The following TROAP variants were observed in gnomAD, a reference collection of about 807,000 sequenced individuals.
The protein encoded by TROAP is trophinin associated protein.
A neutral mutation model predicts 83.4 loss-of-function variants in TROAP; 62 were observed. The observed-to-expected ratio is 0.74, with a 90% CI of 0.61 to 0.92. The LOEUF is 0.92. Ranked by LOEUF, TROAP falls within the 40% of genes least tolerant of loss-of-function variation. TROAP has a pLI of 0.00. For missense variants in TROAP, 876 were observed against 985.1 expected, an observed-to-expected ratio of 0.89 and a Z score of 1.48; for synonymous variants, 352 against 386.4, an observed-to-expected ratio of 0.91 and a Z score of 1.04.
At chr12:49,328,833 C>A (rs1943537559) in intron 8 of TROAP, 94 bp from the exon 9 acceptor site, 2 of 1,470,882 alleles carry the variant, frequency 1.4e-6, no homozygotes, top group South Asian at 1.4e-5. Context: ...CACTGGACTC[C>A]ATCCTGGGTG....
In TROAP at chr12:49,331,372, C is replaced by G; in HGVS notation, c.2257C>G (p.Pro753Ala). The G allele has an allele frequency of 6.2e-7, 1 of 1,614,074 alleles. No individual in the cohort carries two copies. The highest frequency in any genetic ancestry group is 8.5e-7 in the Non-Finnish European group (1 of 1,179,936). ...AGGCCCCACCCGGGTCTGCACCAAC[C>G]CTGTGGCTACATTACTCGAATGGCA... Reference protein sequence around the residue: ...PSGPTRVCTNPVATLLEWQDA... With the variant: ...PSGPTRVCTNAVATLLEWQDA... Residue 753 changes from proline (P) to alanine (A), a missense_variant, in exon 14 of 15, where the codon CCT (proline) becomes GCT (alanine). Around this residue, in one of 3 missense-constraint regions of TROAP, gnomAD observed 184 missense variants for 238.3 expected, o/e 0.77. Coordinates refer to ENST00000257909, the MANE Select transcript of TROAP (RefSeq NM_005480.4).
rs1943556615 is a variant in TROAP at position 49,330,154 on chromosome 12, A to G, written c.1309A>G (p.Ile437Val). The change falls in exon 13 of 15, where the codon ATC becomes GTC. Residue 437 changes from isoleucine (I) to valine (V), a missense_variant. Ile to Val is a conservative substitution (Grantham distance 29). This residue lies in a region of TROAP where 689 missense variants were observed against 722.6 expected (regional missense o/e 0.95). Coordinates refer to ENST00000257909, the MANE Select transcript of TROAP (RefSeq NM_005480.4). ...LQEVKIQRIG[I>V]LQQLLRQEVE... ...CTCTCTCCCACCACAGCGCATCGGT[A>G]TCCTGCAACAGCTGTTGAGACAGGA... The G allele has an allele frequency of 6.2e-7, 1 of 1,613,782 alleles. No individual in the cohort carries two copies. The highest frequency in any genetic ancestry group is 8.5e-7 in the Non-Finnish European group (1 of 1,179,808).
chr12:49,329,275 TA>T lies in TROAP; in HGVS notation c.1104+33del. The stretch of plus-strand genomic sequence containing the variant: ...AGAGGGCATGGAGAGGTGGCTGGCA[TA>T]AGTCACAGCTAGGGGAGAAAGGAGA... On this transcript the variant is annotated intron_variant, in intron 10 of 14. Transcript: ENST00000257909. This position sits in a 1 kb window ranked among gnomAD's most constrained non-coding sequence, Gnocchi z 4.5. 1 of 1,613,760 alleles carries T rather than the reference TA, an allele frequency of 6.2e-7. No homozygotes were observed. The highest frequency in any genetic ancestry group is 1.1e-5 in the South Asian group (1 of 91,070).
intron 3 of TROAP, among the ~76,000 whole-genome samples, chr12:49,324,872 C>T (rs1305098656): frequency 6.6e-6 from 1 of 150,694 alleles, no homozygotes; most frequent in South Asian, 2.1e-4. Flanking sequence ...GGATTACCAG[C>T]ACCTGCCACC....
At chr12:49,325,449 C>T (rs1943483840) in intron 3 of TROAP, 52 bp from the exon 4 acceptor site, 1 of 1,571,462 alleles carries the variant, frequency 6.4e-7, no homozygotes, top group Non-Finnish European at 8.7e-7. Context: ...TGCTAGGGGC[C>T]CTATCCCCCT....
At position 49,326,683 on chromosome 12, in the gene TROAP, G is replaced by A; in HGVS notation, c.732G>A (p.Gln244=). 1 of 1,559,634 alleles carries A rather than the reference G, an allele frequency of 6.4e-7. No homozygotes were observed. Among genetic ancestry groups the A allele is most frequent in the Non-Finnish European group, 8.7e-7 (1 of 1,150,448 alleles). Residue 244 remains glutamine, a synonymous_variant, in exon 7 of 15, where the codon CAG becomes CAA. Transcript: ENST00000257909. ...TAGSSRTSVS[Q]ASGLLLETPV... ...TTGTCATCAGGACTTCAGTGAGCCAGGCCTCAGGATTGCTCCTGGAGACCC... is the reference window on the plus strand; with the variant it reads ...TTGTCATCAGGACTTCAGTGAGCCAAGCCTCAGGATTGCTCCTGGAGACCC...
Position 49,329,684 on chromosome 12 carries a change from G to C in TROAP, c.1165-173G>C. ...CCACTAAAATTTTAAAAATTAGAAA[G>C]TGCTCTCTGGAAAAGCTGCCTAACT... On this transcript the variant is annotated intron_variant, in intron 11 of 14. Transcript: ENST00000257909. The surrounding 1 kb of genome is among the most constrained non-coding windows in gnomAD (Gnocchi z 4.5). 1 of 1,132,806 alleles carries C rather than the reference G, an allele frequency of 8.8e-7. No individual in the cohort carries two copies. The highest frequency in any genetic ancestry group is 1.6e-5 in the African/African-American group (1 of 64,176). 70.2% of individuals were successfully genotyped at this position (1,132,806 alleles called of 1,614,324 possible). A position where few individuals can be genotyped will look rare whatever the true frequency, so the allele number is the denominator to read the frequency against.
intron 3 of TROAP, chr12:49,324,365 A>C: frequency 5.6e-6 from 3 of 533,266 alleles, no homozygotes; most frequent in Non-Finnish European, 9.7e-6. Context: ...AAATAAATAA[A>C]TAATAAATAT....
intron 3 of TROAP, 150 bp downstream of exon 3, chr12:49,324,187 CTTAGAAGATCTCCCTT>C: frequency 6.2e-7 from 1 of 1,614,182 alleles, no homozygotes; most frequent in Non-Finnish European, 8.5e-7. Context: ...GCTCTTTGCT[CTTAGAAGATCTCCCTT>C]TCCTCCAGCA....
At chr12:49,325,042 C>A (rs1178924999) in intron 3 of TROAP, among the ~76,000 whole-genome samples, 2 of 151,460 alleles carry the variant, frequency 1.3e-5, no homozygotes, top group African/African-American at 4.9e-5. Flanking sequence ...TCCTGAGTAG[C>A]TGGTACTACA....
chr12:49,323,828 C>T lies in TROAP; in HGVS notation c.145-17C>T, dbSNP rs371070959. 6.2e-5 allele frequency: 100 copies of T among 1,613,632 alleles called. No individual in the cohort carries two copies. Among genetic ancestry groups the T allele is most frequent in the Admixed American group, 2.8e-4 (17 of 59,948 alleles). On this transcript the variant is annotated splice_polypyrimidine_tract_variant and intron_variant, in intron 2 of 14. Coordinates refer to ENST00000257909, the MANE Select transcript of TROAP (RefSeq NM_005480.4). ...CAACACTAAACCTCACCTTTTTGTC[C>T]CCGCTCCCTCCCCTAGAGATGGGTG...
chr12:49,323,847 A>G lies in TROAP; in HGVS notation c.147A>G (p.Arg49=), dbSNP rs1943445484. ...AVDQENQDPR[R]WVQKPPLNIQ... ...TTTGTCCCCGCTCCCTCCCCTAGAG[A>G]TGGGTGCAGAAACCACCGCTCAATA... The change falls in exon 3 of 15, where the codon AGA becomes AGG. Residue 49 remains arginine, a splice_region_variant and synonymous_variant. Transcript: ENST00000257909. 1 of 1,613,834 alleles carries G rather than the reference A, an allele frequency of 6.2e-7. No homozygotes were observed. The highest frequency in any genetic ancestry group is 1.1e-5 in the South Asian group (1 of 91,094).
At chr12:49,323,418 C>T (rs776442859) in intron 1 of TROAP, 69 bp downstream of exon 1, 227 of 732,502 alleles carry the variant, frequency 3.1e-4, no homozygotes, top group Non-Finnish European at 4.2e-4. Context: ...GTTTGGGGCC[C>T]GAGGGCGAAA....
In TROAP at chr12:49,329,226, A is replaced by G. The variant is rs1290133049; in HGVS notation, c.1086A>G (p.Ser362=). ...QPKTRFTPMP[S]TPRVQQAQWL... ...AAACCCGGTTCACACCCATGCCATC[A>G]ACCCCCAGAGTTCAGCAGGTAAGAG... Residue 362 remains serine (S), a synonymous_variant, in exon 10 of 15, where the codon TCA becomes TCG. Transcript: ENST00000257909. The surrounding 1 kb of genome is among the most constrained non-coding windows in gnomAD (Gnocchi z 4.5). The G allele has an allele frequency of 6.2e-7, 1 of 1,614,208 alleles. No individual in the cohort carries two copies.
Position 49,331,420 on chromosome 12 carries a change from C to T in TROAP, c.2292+13C>T. On this transcript the variant is annotated intron_variant, in intron 14 of 14. Transcript: ENST00000257909. ...GCAGGATGCCCTGGTGAGACTCCAA[C>T]CCACAGCCCAGCTGTGGCTGCACAG... 6.2e-7 allele frequency: 1 copy of T among 1,610,750 alleles called. No individual in the cohort carries two copies. The highest frequency in any genetic ancestry group is 8.5e-7 in the Non-Finnish European group (1 of 1,177,718).
At position 49,326,103 on chromosome 12, in the gene TROAP, C is replaced by T. The variant is rs756026707; in HGVS notation, c.661C>T (p.Pro221Ser). The change falls in exon 6 of 15, where the codon CCT (proline) becomes TCT (serine). Residue 221 changes from proline (P) to serine (S), a missense_variant. Around this residue, in one of 3 missense-constraint regions of TROAP, gnomAD observed 689 missense variants for 722.6 expected, o/e 0.95. Coordinates refer to ENST00000257909, the MANE Select transcript of TROAP (RefSeq NM_005480.4). ...TTCACCTTCAGGACCTTCCTTTCAC[C>T]CTTCCACTCGCCCCAGTTTCCAGGA... ...LISPSGPSFHPSTRPSFQELR... is the reference protein window; with the variant it reads ...LISPSGPSFHSSTRPSFQELR... 2.7e-5 allele frequency: 43 copies of T among 1,613,928 alleles called. No individual in the cohort carries two copies. The East Asian group carries it at 9.1e-4, about 34-fold the overall frequency.
chr12:49,326,238 G>A, intron 6 of TROAP, 80 bp downstream of exon 6: 3 of 1,435,654 alleles, frequency 2.1e-6, no homozygotes, highest in African/African-American at 1.4e-5. Flanking sequence ...CCCAGAGTTG[G>A]GGCCTTCCAG....
chr12:49,329,008 C>T lies in TROAP; in HGVS notation c.973C>T (p.Pro325Ser), dbSNP rs1388073064. Residue 325 changes from proline (P) to serine (S), a missense_variant, in exon 9 of 15, where the codon CCC (proline) becomes TCC (serine). Coordinates refer to ENST00000257909, the MANE Select transcript of TROAP (RefSeq NM_005480.4). This position sits in a 1 kb window ranked among gnomAD's most constrained non-coding sequence, Gnocchi z 4.5. ...TGGCCATGTGGTGCCATGTCCATCA[C>T]CCTTTGGACGGGCTCAGCGTGTACC... ...LPGHVVPCPSPFGRAQRVPSP... is the reference protein window; with the variant it reads ...LPGHVVPCPSSFGRAQRVPSP... 3.7e-6 allele frequency: 6 copies of T among 1,611,642 alleles called. No individual in the cohort carries two copies. Among genetic ancestry groups the T allele is most frequent in the Non-Finnish European group, 4.2e-6 (5 of 1,178,510 alleles).
chr12:49,324,073 G>T, intron 3 of TROAP, 36 bp downstream of exon 3: 1 of 1,612,320 alleles, frequency 6.2e-7, no homozygotes, highest in African/African-American at 1.3e-5. Flanking sequence ...GGCCTCCATG[G>T]CTGAGTAGGG....
Sources: gnomAD v4.1 joint callset for allele counts (sites outside exome capture counted in the v4.1 genomes callset) on GRCh38, gnomAD v4.1.1 for gene constraint, gnomAD v4.1.1 regional missense constraint, Gnocchi (gnomAD v3.1) non-coding constraint, MANE v1.5 for transcripts, NCBI Gene and HGNC (gene_info 2026-07-23, HGNC 2026-07-21) for gene names.